ANK2: variants seen among roughly 807,000 people sequenced by gnomAD.
ANK2 encodes the protein ankyrin-2.
In ANK2, 83 loss-of-function variants were observed where a neutral mutation model predicts 360.5. That is an observed-to-expected ratio of 0.23 (90% CI 0.19 to 0.28). The LOEUF (loss-of-function observed/expected upper bound fraction) is 0.28. Among genes scored for constraint, ANK2 ranks in the 10% least tolerant of loss-of-function variants. The pLI, the probability that ANK2 is intolerant of heterozygous loss-of-function variation, is 1.00. For missense variants in ANK2, 4,201 were observed against 4,795.7 expected, an observed-to-expected ratio of 0.88 and a Z score of 3.66; for synonymous variants, 1,740 against 1,759.5, an observed-to-expected ratio of 0.99 and a Z score of 0.28.
chr4:113,092,636 C>T (rs7683536), intron 1 of ANK2, among the ~76,000 whole-genome samples: 101,251 of 151,966 alleles, frequency 0.67, 33,846 homozygotes, highest in South Asian at 0.72. Context: ...TTGCTACTTA[C>T]TACATGTTGA....
chr4:113,122,533 C>A (rs1392078134), intron 1 of ANK2, among the ~76,000 whole-genome samples: 1 of 152,032 alleles, frequency 6.6e-6, no homozygotes, highest in East Asian at 1.9e-4. Context: ...TTCCCAGAAC[C>A]CCTTCATCAG....
chr4:112,940,201 T>C (rs897062743), intron 2 of ANK2, among the ~76,000 whole-genome samples: 1 of 152,216 alleles, frequency 6.6e-6, no homozygotes, highest in Non-Finnish European at 1.5e-5. Context: ...ATTACAGGCA[T>C]TTTACTTTCA....
At chr4:113,144,497 G>A (rs920571185) in intron 1 of ANK2, among the ~76,000 whole-genome samples, 23 of 151,872 alleles carry the variant, frequency 1.5e-4, no homozygotes, top group Non-Finnish European at 1.3e-4. Context: ...TCTATCAAAT[G>A]TAATATGGTT....
chr4:112,856,594 G>T (rs1408873418), intron 1 of ANK2, among the ~76,000 whole-genome samples: 2 of 152,158 alleles, frequency 1.3e-5, no homozygotes, highest in Non-Finnish European at 2.9e-5. Context: ...TGGGCATGGT[G>T]TGACACACCT....
chr4:113,277,856 A>C lies in ANK2; in HGVS notation c.1703A>C (p.His568Pro), dbSNP rs1377067213. The C allele has an allele frequency of 6.2e-7, 1 of 1,613,728 alleles. No individual in the cohort carries two copies. Among genetic ancestry groups the C allele is most frequent in the Non-Finnish European group, 8.5e-7 (1 of 1,179,724 alleles). The change falls in exon 16 of 46, where the codon CAT (histidine) becomes CCT (proline). Residue 568 changes from histidine (H) to proline (P), a missense_variant. Transcript: ENST00000357077. Reference protein sequence around the residue: ...LATKKGFTPLHVAAKYGSLDV... With the variant: ...LATKKGFTPLPVAAKYGSLDV... ...TTTCAGAAGGGTTTTACTCCCCTGC[A>C]TGTAGCAGCCAAGTATGGAAGCCTG... is the stretch of plus-strand genomic sequence containing the variant.
rs760621803 is a variant in ANK2, at chr4:113,198,993, T to C, written c.286-18T>C. The C allele has an allele frequency of 3.8e-6, 6 of 1,596,640 alleles. No individual in the cohort carries two copies. The Admixed American group carries it at 1.0e-4, about 27-fold the overall frequency. On this transcript the variant is annotated intron_variant, in intron 3 of 45. Transcript: ENST00000357077. ...TTCAGAAACCTTGAACATTTTCTAT[T>C]TTGTTTCTCCAAAACAGAAGGGAAA...
chr4:112,804,025 T>C, the ANK2 span, among the ~76,000 whole-genome samples: 43 of 151,340 alleles, frequency 2.8e-4, no homozygotes, highest in African/African-American at 1.0e-3. Flanking sequence ...TTTTTTTTTT[T>C]TTTCTTTTTT....
Position 113,039,323 on chromosome 4 carries a change from TG to T in ANK2, c.21+134810del, listed in dbSNP as rs566288022. 1.3e-3 allele frequency among the ~76,000 whole-genome samples: 198 copies of T among 152,168 alleles called. 1 individual carries two copies. Among genetic ancestry groups the T allele is most frequent in the African/African-American group, 4.5e-3 (188 of 41,552 alleles). ...GAGATTCTTTGGCAAAGGGTAACAT[TG>T]TGAAAAACAGGCTCATCTCCAAGTT... On this transcript the variant is annotated intron_variant, in intron 2 of 30. Transcript: ENST00000503271.
the ANK2 span, among the ~76,000 whole-genome samples, chr4:112,727,785 C>T: frequency 6.6e-6 from 1 of 152,114 alleles, no homozygotes; most frequent in Non-Finnish European, 1.5e-5. Flanking sequence ...TTGAGATCAG[C>T]CTGACCAACA....
chr4:113,059,426 C>A (rs768650508), intron 1 of ANK2, among the ~76,000 whole-genome samples: 1 of 152,008 alleles, frequency 6.6e-6, no homozygotes, highest in South Asian at 2.1e-4. Flanking sequence ...TAATTGTCTA[C>A]GTGATTTATT....
chr4:113,136,878 C>T (rs1383722190), intron 1 of ANK2, among the ~76,000 whole-genome samples: 2 of 151,954 alleles, frequency 1.3e-5, no homozygotes, highest in Non-Finnish European at 2.9e-5. Flanking sequence ...CTGCCTCAGC[C>T]TCTTGAGTAG....
intron 2 of ANK2, among the ~76,000 whole-genome samples, chr4:113,010,945 TTAA>T (rs35121243): frequency 0.56 from 84,390 of 151,562 alleles, 25,328 homozygotes; most frequent in Non-Finnish European, 0.69. Context: ...CATACACACA[TTAA>T]TATACCTCTA....
chr4:113,343,193 A>C (rs1230051159), intron 34 of ANK2, 51 bp downstream of exon 34: 19 of 1,593,162 alleles, frequency 1.2e-5, no homozygotes, highest in Non-Finnish European at 1.5e-5. Context: ...ATCAAGGCAG[A>C]ATTTGACTTC....
chr4:112,935,599 T>C (rs1262776219), intron 2 of ANK2, among the ~76,000 whole-genome samples: 4 of 152,126 alleles, frequency 2.6e-5, no homozygotes, highest in Non-Finnish European at 5.9e-5. Context: ...CCTAACACTT[T>C]GGGAGGCCGA....
At chr4:113,333,514 C>G (rs746064362) in intron 29 of ANK2, among the ~76,000 whole-genome samples, 2 of 151,876 alleles carry the variant, frequency 1.3e-5, no homozygotes, top group Non-Finnish European at 2.9e-5. Flanking sequence ...CTTTTTTGAG[C>G]CGAAAATGAG....
chr4:113,311,473 G>A, intron 24 of ANK2, 74 bp downstream of exon 24: 3 of 1,556,440 alleles, frequency 1.9e-6, no homozygotes, highest in African/African-American at 1.4e-5. Flanking sequence ...TGATAAAAAT[G>A]TAGATGCAAT....
the ANK2 span, among the ~76,000 whole-genome samples, chr4:112,758,261 A>C: frequency 2.0e-5 from 3 of 152,142 alleles, no homozygotes; most frequent in African/African-American, 7.2e-5. Context: ...ACATTAAATT[A>C]GAAAAATGGA....
the ANK2 span, among the ~76,000 whole-genome samples, chr4:112,746,666 T>C: frequency 1.1e-3 from 166 of 152,328 alleles, no homozygotes; most frequent in African/African-American, 3.6e-3. Flanking sequence ...TTAAATAAAA[T>C]TTGGTTTCAT....
chr4:113,366,416 A>ATTTTTTTTTTTTTTTTTTTTTT (rs2096538761), intron 41 of ANK2, among the ~76,000 whole-genome samples: 1 of 79,642 alleles, frequency 1.3e-5, no homozygotes. Flanking sequence ...TTTTTTTTTA[A>ATTTTTTTTTTTTTTTTTTTTTT]CTTTACTGGC....
Sources: gnomAD v4.1 joint callset for allele counts (sites outside exome capture counted in the v4.1 genomes callset) on GRCh38, gnomAD v4.1.1 for gene constraint, MANE v1.5 for transcripts, NCBI Gene and HGNC (gene_info 2026-07-23, HGNC 2026-07-21) for gene names.